Variants in SNTG1 observed in about 807,000 individuals in gnomAD.
SNTG1 encodes gamma-1-syntrophin.
In SNTG1, 39 loss-of-function variants were observed where a neutral mutation model predicts 74.7. The observed-to-expected ratio is 0.52, with a 90% CI of 0.40 to 0.68. The LOEUF (loss-of-function observed/expected upper bound fraction) is 0.68. Among genes scored for constraint, SNTG1 ranks in the 30% least tolerant of loss-of-function variants. The pLI, the probability that SNTG1 is intolerant of heterozygous loss-of-function variation, is 0.00. For missense variants in SNTG1, 685 were observed against 609.5 expected, an observed-to-expected ratio of 1.12 and a Z score of -1.30; for synonymous variants, 254 against 217.1, an observed-to-expected ratio of 1.17 and a Z score of -1.49.
intron 2 of SNTG1, among the ~76,000 whole-genome samples, chr8:50,199,195 C>T (rs1365556153): frequency 2.0e-5 from 3 of 150,332 alleles, no homozygotes; most frequent in Admixed American, 6.6e-5. Flanking sequence ...AATGTTGAAA[C>T]ACAACGATTA....
chr8:50,091,073 A>G (rs1200296851), intron 1 of SNTG1, among the ~76,000 whole-genome samples: 1 of 152,144 alleles, frequency 6.6e-6, no homozygotes, highest in Non-Finnish European at 1.5e-5. Context: ...ATAGGAATAA[A>G]CATAGTGGCA....
intron 12 of SNTG1, among the ~76,000 whole-genome samples, chr8:50,586,520 T>C (rs1365742921): frequency 6.6e-6 from 1 of 152,142 alleles, no homozygotes; most frequent in Non-Finnish European, 1.5e-5. Context: ...GGCATCCTTA[T>C]GCCATTGTCT....
At chr8:50,506,385 C>G (rs867927104) in intron 9 of SNTG1, among the ~76,000 whole-genome samples, 1 of 151,986 alleles carries the variant, frequency 6.6e-6, no homozygotes, top group African/African-American at 2.4e-5. Flanking sequence ...CAAAATAATA[C>G]CATAGAGATT....
At chr8:50,603,591 G>A (rs1162981474) in intron 13 of SNTG1, among the ~76,000 whole-genome samples, 1 of 152,000 alleles carries the variant, frequency 6.6e-6, no homozygotes, top group African/African-American at 2.4e-5. Context: ...CAGCATCTGG[G>A]CATTGAAAAT....
intron 5 of SNTG1, among the ~76,000 whole-genome samples, chr8:50,448,496 T>G (rs910061279): frequency 3.3e-5 from 5 of 152,196 alleles, no homozygotes; most frequent in African/African-American, 1.2e-4. Context: ...TAGAACAACC[T>G]CAATGGAATT....
chr8:50,005,005 G>T (rs986370825), intron 1 of SNTG1, among the ~76,000 whole-genome samples: 3 of 152,004 alleles, frequency 2.0e-5, no homozygotes, highest in Admixed American at 6.6e-5. Context: ...CCTTTTCCGC[G>T]AGCCAGATAC....
At chr8:50,282,511 G>A (rs1356695702) in intron 2 of SNTG1, among the ~76,000 whole-genome samples, 1 of 152,094 alleles carries the variant, frequency 6.6e-6, no homozygotes, top group Non-Finnish European at 1.5e-5. Flanking sequence ...TTTTTAGCCA[G>A]GTGCTAGACC....
chr8:50,399,518 C>G (rs2092773420), intron 3 of SNTG1, among the ~76,000 whole-genome samples: 1 of 152,082 alleles, frequency 6.6e-6, no homozygotes, highest in African/African-American at 2.4e-5. Flanking sequence ...TCAGGGAAAA[C>G]CCTTCTAACA....
rs568742812 is a variant in SNTG1, at chr8:50,192,783, G to A, written c.-28+20148G>A. 3.9e-5 allele frequency among the ~76,000 whole-genome samples: 6 copies of A among 151,954 alleles called. No individual in the cohort carries two copies. The East Asian group carries it at 7.7e-4, about 20-fold the overall frequency. On this transcript the variant is annotated intron_variant, in intron 2 of 18. Coordinates refer to ENST00000642720, the MANE Select transcript of SNTG1 (RefSeq NM_018967.5). ...ATTTCTACAATTTTTATAGTTTTAG[G>A]TCTTAGGTTTAAGTCCTTAATCCAT... is the stretch of plus-strand genomic sequence containing the variant.
intron 17 of SNTG1, among the ~76,000 whole-genome samples, chr8:50,722,154 A>G (rs2095489305): frequency 6.6e-6 from 1 of 151,930 alleles, no homozygotes. Flanking sequence ...ATATGTGTAT[A>G]TATATATACG....
At chr8:50,730,950 C>A (rs2095511438) in intron 17 of SNTG1, among the ~76,000 whole-genome samples, 1 of 152,114 alleles carries the variant, frequency 6.6e-6, no homozygotes, top group Non-Finnish European at 1.5e-5. Flanking sequence ...TATTTCACCC[C>A]TTTTTACACT....
At chr8:50,762,758 T>G (rs2095602618) in intron 18 of SNTG1, 1 of 478,088 alleles carries the variant, frequency 2.1e-6, no homozygotes, top group African/African-American at 2.0e-5. Flanking sequence ...CTGGACACAC[T>G]TCTGAACAAA....
chr8:50,366,060 G>C (rs1169531765), intron 2 of SNTG1, among the ~76,000 whole-genome samples: 1 of 152,152 alleles, frequency 6.6e-6, no homozygotes, highest in Non-Finnish European at 1.5e-5. Context: ...CTGAGTATTT[G>C]AGGAATATAG....
intron 13 of SNTG1, among the ~76,000 whole-genome samples, chr8:50,633,118 C>T (rs1234387396): frequency 1.3e-5 from 2 of 151,876 alleles, no homozygotes; most frequent in African/African-American, 4.8e-5. Flanking sequence ...CAAATTGTTC[C>T]TTCAACCAGG....
chr8:50,580,142 T>C (rs1311952353), intron 12 of SNTG1, among the ~76,000 whole-genome samples: 1 of 152,226 alleles, frequency 6.6e-6, no homozygotes, highest in African/African-American at 2.4e-5. Context: ...AAGGAGATCA[T>C]TTTCGAACCT....
intron 1 of SNTG1, among the ~76,000 whole-genome samples, chr8:50,137,313 C>T (rs952672015): frequency 6.6e-6 from 1 of 152,130 alleles, no homozygotes; most frequent in Non-Finnish European, 1.5e-5. Context: ...TCTTCATCGT[C>T]CTGCTGATGG....
intron 2 of SNTG1, among the ~76,000 whole-genome samples, chr8:50,308,939 G>C: frequency 1.3e-5 from 2 of 151,004 alleles, no homozygotes; most frequent in African/African-American, 4.9e-5. Context: ...CTAGATTTTT[G>C]TGTGTTATAA....
chr8:50,555,449 A>C (rs1317978887), intron 12 of SNTG1, among the ~76,000 whole-genome samples: 1 of 152,230 alleles, frequency 6.6e-6, no homozygotes, highest in Admixed American at 6.5e-5. Flanking sequence ...TGATGAAACA[A>C]TTAATATGGT....
At chr8:50,242,869 T>G (rs1191561313) in intron 2 of SNTG1, among the ~76,000 whole-genome samples, 1 of 151,670 alleles carries the variant, frequency 6.6e-6, no homozygotes, top group Non-Finnish European at 1.5e-5. Flanking sequence ...TTTTATTTAT[T>G]TATGTGCTTA....
Sources: allele counts gnomAD v4.1 joint callset (sites outside exome capture counted in the v4.1 genomes callset), GRCh38; gene constraint gnomAD v4.1.1; transcripts MANE v1.5; gene names NCBI Gene and HGNC (gene_info 2026-07-23, HGNC 2026-07-21).